The following COMMD10 variants were observed in gnomAD, a reference collection of about 807,000 sequenced individuals.
The protein encoded by COMMD10 is COMM domain-containing protein 10.
COMMD10 carries 33 observed loss-of-function variants against 28.9 expected under a neutral mutation model. The observed-to-expected ratio is 1.14, with a 90% confidence interval of 0.87 to 1.53. The LOEUF (loss-of-function observed/expected upper bound fraction) is 1.53, where lower values mean the gene tolerates loss of function less well. Ranked by LOEUF, COMMD10 falls within the 40% of genes most tolerant of loss-of-function variation. The pLI is 0.00. For missense variants in COMMD10, 310 were observed against 233.4 expected (o/e 1.33, Z -2.14); for synonymous variants, 110 against 81.7 (o/e 1.35, Z -1.87).
intron 5 of COMMD10, among the ~76,000 whole-genome samples, chr5:116,224,687 C>T (rs943000319): frequency 3.9e-5 from 6 of 152,174 alleles, no homozygotes; most frequent in Non-Finnish European, 8.8e-5. Flanking sequence ...CAAACACCTC[C>T]CTCTAGGCCC....
chr5:116,271,244 A>T (rs1322606877), intron 5 of COMMD10, among the ~76,000 whole-genome samples: 1 of 145,946 alleles, frequency 6.9e-6, no homozygotes, highest in Non-Finnish European at 1.5e-5. Context: ...TGATAGTAAA[A>T]ACAATTTTTT....
rs1256286619 is a variant in COMMD10 at position 116,217,560 on chromosome 5, C to A, written c.511-73957C>A. Among the ~76,000 whole-genome samples, 5 of 152,312 alleles carry A rather than the reference C, an allele frequency of 3.3e-5. No homozygotes were observed. The East Asian group carries it at 9.7e-4, about 29-fold the overall frequency. ...CCACTGCTCTTTTGACAGGTGCCATCTCAGTGGCATCCCGGAAAAGTCCAG... is the reference window on the plus strand; with the variant it reads ...CCACTGCTCTTTTGACAGGTGCCATATCAGTGGCATCCCGGAAAAGTCCAG... On this transcript the variant is annotated intron_variant, in intron 5 of 6. Transcript: ENST00000274458.
At chr5:116,156,293 A>G (rs1013830764) in intron 5 of COMMD10, among the ~76,000 whole-genome samples, 19 of 152,304 alleles carry the variant, frequency 1.2e-4, no homozygotes, top group East Asian at 1.9e-4. Context: ...AAGTTGCTAG[A>G]GGATGTCAAG....
intron 5 of COMMD10, among the ~76,000 whole-genome samples, chr5:116,279,105 C>G (rs185690610): frequency 3.3e-5 from 5 of 151,610 alleles, no homozygotes; most frequent in Non-Finnish European, 7.4e-5. Context: ...ATTGGAAGCA[C>G]TGTTGGGAGA....
At chr5:116,237,108 A>T (rs1192081073) in intron 5 of COMMD10, among the ~76,000 whole-genome samples, 1 of 152,144 alleles carries the variant, frequency 6.6e-6, no homozygotes, top group East Asian at 1.9e-4. Context: ...ATCTGAATGA[A>T]GAATGTTACG....
At chr5:116,151,590 G>T (rs571538834) in intron 5 of COMMD10, among the ~76,000 whole-genome samples, 16 of 152,226 alleles carry the variant, frequency 1.1e-4, no homozygotes, top group African/African-American at 3.6e-4. Context: ...TCTTGGGAGT[G>T]TATATGTGTC....
intron 4 of COMMD10, among the ~76,000 whole-genome samples, chr5:116,117,661 T>A (rs1751285780): frequency 6.6e-6 from 1 of 152,062 alleles, no homozygotes; most frequent in African/African-American, 2.4e-5. Flanking sequence ...AGGTGGGGTT[T>A]CACCATGTTG....
At chr5:116,184,716 A>T (rs1748082889) in intron 5 of COMMD10, among the ~76,000 whole-genome samples, 1 of 152,154 alleles carries the variant, frequency 6.6e-6, no homozygotes, top group Admixed American at 6.6e-5. Context: ...AAACAGTTCC[A>T]TGATAATTCT....
intron 5 of COMMD10, among the ~76,000 whole-genome samples, chr5:116,282,266 C>T (rs975722417): frequency 6.6e-6 from 1 of 151,848 alleles, no homozygotes; most frequent in Non-Finnish European, 1.5e-5. Context: ...TACCTCTAAA[C>T]ATTACCTCAG....
intron 5 of COMMD10, among the ~76,000 whole-genome samples, chr5:116,281,340 G>T (rs988903482): frequency 6.6e-6 from 1 of 151,552 alleles, no homozygotes; most frequent in Non-Finnish European, 1.5e-5. Flanking sequence ...TTGCTAATGG[G>T]TATGTGCAAC....
At chr5:116,182,051 C>A (rs1412946659) in intron 5 of COMMD10, among the ~76,000 whole-genome samples, 1 of 151,896 alleles carries the variant, frequency 6.6e-6, no homozygotes, top group Non-Finnish European at 1.5e-5. Context: ...AGGACAAGAA[C>A]AAGGAGATGA....
chr5:116,208,402 C>G (rs1475005490), intron 5 of COMMD10, among the ~76,000 whole-genome samples: 1 of 152,144 alleles, frequency 6.6e-6, no homozygotes, highest in Non-Finnish European at 1.5e-5. Flanking sequence ...CCTGTCTAGC[C>G]ATTCCTATAC....
intron 5 of COMMD10, among the ~76,000 whole-genome samples, chr5:116,200,392 T>C (rs1298116350): frequency 6.6e-6 from 1 of 152,126 alleles, no homozygotes; most frequent in African/African-American, 2.4e-5. Flanking sequence ...GAAGATGGTA[T>C]CCTTAAGTGT....
chr5:116,284,326 ATGTG>A (rs987691365), intron 5 of COMMD10, among the ~76,000 whole-genome samples: 2 of 146,604 alleles, frequency 1.4e-5, no homozygotes, highest in Non-Finnish European at 3.0e-5. Flanking sequence ...AAAGGATTGT[ATGTG>A]TGTGTGTATG....
intron 4 of COMMD10, among the ~76,000 whole-genome samples, chr5:116,125,037 C>T (rs1362551866): frequency 6.6e-6 from 1 of 152,116 alleles, no homozygotes; most frequent in African/African-American, 2.4e-5. Flanking sequence ...TTAATTGGAA[C>T]ATTTAGCCCA....
intron 4 of COMMD10, among the ~76,000 whole-genome samples, chr5:116,098,076 A>G (rs1397449211): frequency 2.6e-5 from 4 of 152,196 alleles, no homozygotes; most frequent in Non-Finnish European, 5.9e-5. Flanking sequence ...TCACTTTATC[A>G]TATTATCCCA....
intron 4 of COMMD10, among the ~76,000 whole-genome samples, chr5:116,130,917 A>C (rs1178767700): frequency 1.3e-5 from 2 of 152,062 alleles, no homozygotes; most frequent in Non-Finnish European, 2.9e-5. Context: ...TGTAGTTTTA[A>C]AATCAAAATA....
At chr5:116,216,054 T>C (rs1383688937) in intron 5 of COMMD10, among the ~76,000 whole-genome samples, 1 of 152,152 alleles carries the variant, frequency 6.6e-6, no homozygotes, top group Non-Finnish European at 1.5e-5. Flanking sequence ...ACAGTTGTTC[T>C]GAAGTAAAAC....
chr5:116,279,506 G>A (rs769056090), intron 5 of COMMD10, among the ~76,000 whole-genome samples: 2 of 151,750 alleles, frequency 1.3e-5, no homozygotes, highest in Non-Finnish European at 2.9e-5. Flanking sequence ...ATTCCTGTGA[G>A]GTTTTGGAAA....
Sources: gnomAD v4.1 joint callset for allele counts (sites outside exome capture counted in the v4.1 genomes callset) on GRCh38, gnomAD v4.1.1 for gene constraint, MANE v1.5 for transcripts, NCBI Gene and HGNC (gene_info 2026-07-23, HGNC 2026-07-21) for gene names.